TRHDE: variants seen among roughly 807,000 people sequenced by gnomAD.
TRHDE encodes thyrotropin releasing hormone degrading enzyme.
Under a neutral mutation model 125.7 loss-of-function variants are expected in TRHDE, and 72 were observed. The observed-to-expected ratio is 0.57, with a 90% CI of 0.47 to 0.70. The LOEUF (loss-of-function observed/expected upper bound fraction) is 0.70. Among genes scored for constraint, TRHDE ranks in the 30% least tolerant of loss-of-function variants. The pLI is 0.00. For missense variants in TRHDE, 1,110 were observed against 1,327.1 expected (o/e 0.84, Z 2.54); for synonymous variants, 509 against 509.1 (o/e 1.00, Z 0.00).
At chr12:72,206,471 A>G (rs1401879691) in intron 2 of TRHDE, among the ~76,000 whole-genome samples, 1 of 152,196 alleles carries the variant, frequency 6.6e-6, no homozygotes, top group Non-Finnish European at 1.5e-5. Flanking sequence ...CATAGAGTAG[A>G]AACTTTATTT....
chr12:72,234,339 C>G (rs1878301988), intron 2 of TRHDE, among the ~76,000 whole-genome samples: 1 of 152,100 alleles, frequency 6.6e-6, no homozygotes, highest in Non-Finnish European at 1.5e-5. Flanking sequence ...ATGAAATTTT[C>G]CTGATTTATA....
At chr12:72,334,390 T>C (rs988811983) in intron 2 of TRHDE, among the ~76,000 whole-genome samples, 5 of 152,240 alleles carry the variant, frequency 3.3e-5, no homozygotes, top group African/African-American at 9.6e-5. Flanking sequence ...TGAGTGCGCA[T>C]TCCTTAGGAG....
intron 7 of TRHDE, among the ~76,000 whole-genome samples, chr12:72,549,654 TA>T (rs1818939715): frequency 6.6e-6 from 1 of 151,886 alleles, no homozygotes; most frequent in African/African-American, 2.4e-5. Flanking sequence ...AATTGGCATT[TA>T]ATTTATTAAT....
chr12:72,391,933 C>A (rs917561163), intron 3 of TRHDE, among the ~76,000 whole-genome samples: 2 of 152,068 alleles, frequency 1.3e-5, no homozygotes, highest in African/African-American at 2.4e-5. Context: ...TAGAGGGTAA[C>A]TGAGTGGTAA....
chr12:72,568,999 AAC>A (rs1870591723), intron 10 of TRHDE, among the ~76,000 whole-genome samples: 1 of 152,036 alleles, frequency 6.6e-6, no homozygotes, highest in Non-Finnish European at 1.5e-5. Flanking sequence ...AAATACTGAA[AAC>A]ACAGGTCTCA....
rs145055645 is a variant in TRHDE, at chr12:72,438,891, C to T, written c.1316-30867C>T. Among the ~76,000 whole-genome samples the T allele has an allele frequency of 4.4e-3, 674 of 151,812 alleles. 3 individuals are homozygous for T. The highest frequency in any genetic ancestry group is 7.3e-3 in the Non-Finnish European group (494 of 67,786). On this transcript the variant is annotated intron_variant, in intron 3 of 18. Coordinates refer to ENST00000261180, the MANE Select transcript of TRHDE (RefSeq NM_013381.3). Reference sequence around the variant, plus strand: ...GGAGCATTTCCCCTTTTAGTAGTTTCGTAGTTTTGAACCTTATGTGTAAGT... The same window carrying T: ...GGAGCATTTCCCCTTTTAGTAGTTTTGTAGTTTTGAACCTTATGTGTAAGT...
intron 6 of TRHDE, among the ~76,000 whole-genome samples, chr12:72,534,358 A>G (rs1868735704): frequency 6.6e-6 from 1 of 152,122 alleles, no homozygotes; most frequent in Non-Finnish European, 1.5e-5. Context: ...ATAGTTGTGG[A>G]AAGTTTCTTA....
intron 18 of TRHDE, among the ~76,000 whole-genome samples, chr12:72,657,697 T>C (rs1314820138): frequency 6.6e-6 from 1 of 152,140 alleles, no homozygotes; most frequent in Non-Finnish European, 1.5e-5. Context: ...TTAAGCCAGC[T>C]AGTTTTGTTT....
chr12:72,430,550 C>A (rs1360360584), intron 3 of TRHDE, among the ~76,000 whole-genome samples: 1 of 151,070 alleles, frequency 6.6e-6, no homozygotes, highest in African/African-American at 2.4e-5. Context: ...ATTGTCACTG[C>A]ATTCTTGTGA....
intron 6 of TRHDE, among the ~76,000 whole-genome samples, chr12:72,540,087 T>C (rs1869066524): frequency 6.6e-6 from 1 of 151,646 alleles, no homozygotes; most frequent in African/African-American, 2.4e-5. Flanking sequence ...ACATAGTATG[T>C]GCTTAGTATA....
At chr12:72,651,991 A>G (rs953785336) in intron 15 of TRHDE, among the ~76,000 whole-genome samples, 15 of 151,980 alleles carry the variant, frequency 9.9e-5, no homozygotes, top group African/African-American at 3.6e-4. Flanking sequence ...ATCTTTGTGT[A>G]ATAGCCATAT....
At chr12:72,209,296 C>A (rs1038933088) in intron 2 of TRHDE, among the ~76,000 whole-genome samples, 2 of 152,198 alleles carry the variant, frequency 1.3e-5, no homozygotes, top group Admixed American at 1.3e-4. Flanking sequence ...TCCCTCTGAC[C>A]ATATGCACTC....
chr12:72,451,655 A>C (rs948962732), intron 3 of TRHDE, among the ~76,000 whole-genome samples: 1 of 151,802 alleles, frequency 6.6e-6, no homozygotes, highest in African/African-American at 2.4e-5. Flanking sequence ...AATTTTAGGC[A>C]CTTTTTTTTC....
chr12:72,659,587 A>G (rs73146996), intron 18 of TRHDE, among the ~76,000 whole-genome samples: 9,435 of 152,300 alleles, frequency 0.062, 425 homozygotes, highest in Middle Eastern at 0.095. Flanking sequence ...TACTCTAAAA[A>G]TAATTTATCT....
chr12:72,224,146 C>CTATCTATT lies in TRHDE; in HGVS notation n.279+118397_279+118398insCTATTTAT, dbSNP rs1565666711. ...TCTATCTATCTATCTATCTATTTAT[C>CTATCTATT]TATGTATGTATGTATGTATGTATCT... is the stretch of plus-strand genomic sequence containing the variant. On this transcript the variant is annotated intron_variant and non_coding_transcript_variant, in intron 2 of 4. Transcript: ENST00000548156. Among the ~76,000 whole-genome samples the CTATCTATT allele has an allele frequency of 3.1e-3, 142 of 46,218 alleles. No individual in the cohort carries two copies. The Middle Eastern group carries it at 0.036, about 12-fold the overall frequency. The allele number at this position is 46,218 out of a possible 152,430, so 30.3% of individuals were successfully genotyped here. A position where few individuals can be genotyped will look rare whatever the true frequency, so the allele number is the denominator to read the frequency against.
chr12:72,436,330 A>G (rs915189178), intron 3 of TRHDE, among the ~76,000 whole-genome samples: 10 of 151,982 alleles, frequency 6.6e-5, no homozygotes, highest in Admixed American at 6.6e-4. Flanking sequence ...GACCAGACTT[A>G]TTTCTAATCC....
chr12:72,192,414 T>C (rs2139349566), intron 2 of TRHDE, among the ~76,000 whole-genome samples: 1 of 152,292 alleles, frequency 6.6e-6, no homozygotes, highest in South Asian at 2.1e-4. Context: ...TTTACTCTTA[T>C]AATTAAGAGA....
At chr12:72,650,167 G>C (rs1013621307) in intron 15 of TRHDE, among the ~76,000 whole-genome samples, 1 of 152,122 alleles carries the variant, frequency 6.6e-6, no homozygotes, top group Non-Finnish European at 1.5e-5. Context: ...AGGAAACGTA[G>C]TGTACACATA....
chr12:72,090,489 G>A (rs537650872), intron 1 of TRHDE, among the ~76,000 whole-genome samples: 87 of 152,110 alleles, frequency 5.7e-4, no homozygotes, highest in African/African-American at 2.0e-3. Context: ...TTGAATGTTT[G>A]GGCAATTAGT....
Sources: gnomAD v4.1 joint callset for allele counts (sites outside exome capture counted in the v4.1 genomes callset) on GRCh38, gnomAD v4.1.1 for gene constraint, MANE v1.5 for transcripts, NCBI Gene and HGNC (gene_info 2026-07-23, HGNC 2026-07-21) for gene names.